The following TEX264 variants were observed in gnomAD, a reference collection of about 807,000 sequenced individuals.
The protein encoded by TEX264 is testis-expressed protein 264.
TEX264 carries 13 observed loss-of-function variants against 23.4 expected under a neutral mutation model. The ratio of observed to expected loss-of-function variants is 0.56; its 90% CI spans 0.36 to 0.88. The LOEUF is 0.88. Ranked by LOEUF, TEX264 falls within the 40% of genes least tolerant of loss-of-function variation. The probability of loss-of-function intolerance (pLI) is 0.01; values close to 1 mark genes in which losing one functional copy is unlikely to be tolerated. For missense variants in TEX264, 340 were observed against 406.8 expected, an observed-to-expected ratio of 0.84 and a Z score of 1.41; for synonymous variants, 159 against 170.0, an observed-to-expected ratio of 0.94 and a Z score of 0.50.
In TEX264 at chr3:51,686,992, C is replaced by T. The variant is rs1702644494; in HGVS notation, c.480+2358C>T. Among the ~76,000 whole-genome samples, 1 of 152,222 alleles carries T rather than the reference C, an allele frequency of 6.6e-6. No individual in the cohort carries two copies. The highest frequency in any genetic ancestry group is 2.4e-5 in the African/African-American group (1 of 41,452). Reference sequence around the variant, plus strand: ...AATTTCCCGGCCCCTGACAGCTTCACAAGTTGCCTGGTTTTGACGTCACCT... The same window carrying T: ...AATTTCCCGGCCCCTGACAGCTTCATAAGTTGCCTGGTTTTGACGTCACCT... On this transcript the variant is annotated intron_variant, in intron 3 of 4. Transcript: ENST00000341333. The surrounding 1 kb of genome is among the most constrained non-coding windows in gnomAD (Gnocchi z 4.1).
intron 2 of TEX264, among the ~76,000 whole-genome samples, chr3:51,678,191 T>G (rs1312860467): frequency 6.6e-6 from 1 of 152,156 alleles, no homozygotes; most frequent in Non-Finnish European, 1.5e-5. Context: ...TGCTGGGGGC[T>G]TGGAAAGTGA....
intron 2 of TEX264, among the ~76,000 whole-genome samples, chr3:51,677,391 A>C (rs1702267326): frequency 6.6e-6 from 1 of 152,172 alleles, no homozygotes; most frequent in Non-Finnish European, 1.5e-5. Flanking sequence ...AGCAGTGTGC[A>C]GCGTGGCATG....
At chr3:51,676,331 C>T (rs1481186682) in intron 2 of TEX264, among the ~76,000 whole-genome samples, 2 of 152,186 alleles carry the variant, frequency 1.3e-5, no homozygotes, top group Admixed American at 6.5e-5. Context: ...TGGGAAAGGG[C>T]TAAGGCAGCA....
At chr3:51,701,852 G>A (rs759033201) in intron 4 of TEX264, among the ~76,000 whole-genome samples, 39 of 152,086 alleles carry the variant, frequency 2.6e-4, no homozygotes, top group Non-Finnish European at 5.0e-4. Context: ...GGCTGGTCTG[G>A]AACTCCTGAC....
intron 2 of TEX264, chr3:51,681,215 A>T (rs1011408186): frequency 6.6e-6 from 1 of 152,224 alleles, no homozygotes; most frequent in Non-Finnish European, 1.5e-5. Context: ...CCCTTCTTCC[A>T]CTTTGACAGG....
At chr3:51,671,635 C>T (rs530378540) in intron 1 of TEX264, 2 of 154,874 alleles carry the variant, frequency 1.3e-5, no homozygotes, top group Admixed American at 6.5e-5. Flanking sequence ...ACTTTAGCGT[C>T]CTTTAAGTTA....
Position 51,674,351 on chromosome 3 carries a change from T to C in TEX264, c.47T>C (p.Leu16Ser). 6.2e-7 allele frequency: 1 copy of C among 1,614,202 alleles called. No homozygotes were observed. The highest frequency in any genetic ancestry group is 1.6e-4 in the Middle Eastern group (1 of 6,062). ...GGCCTGATTGGGGGCCTGACTCTCT[T>C]ACTGCTGCTGACGCTGCTGGCCTTT... ...LLGLIGGLTL[L>S]LLLTLLAFAG... Residue 16 changes from leucine (L) to serine (S), a missense_variant, in exon 2 of 5, where the codon TTA becomes TCA. Leu to Ser is a moderately radical substitution (Grantham distance 145). Coordinates refer to ENST00000341333, the MANE Select transcript of TEX264 (RefSeq NM_015926.6).
intron 3 of TEX264, among the ~76,000 whole-genome samples, chr3:51,696,567 C>T (rs1453233588): frequency 6.6e-6 from 1 of 152,210 alleles, no homozygotes; most frequent in African/African-American, 2.4e-5. Context: ...CCTGATCACT[C>T]AGGGACAGAG....
intron 2 of TEX264, among the ~76,000 whole-genome samples, chr3:51,675,350 TCTA>T (rs1262351695): frequency 6.6e-6 from 1 of 152,182 alleles, no homozygotes; most frequent in South Asian, 2.1e-4. Context: ...TTCTTCAGCC[TCTA>T]CTACTAAGCC....
At position 51,686,759 on chromosome 3, in the gene TEX264, G is replaced by A. The variant is rs1577510213; in HGVS notation, c.480+2125G>A. Among the ~76,000 whole-genome samples the A allele has an allele frequency of 1.3e-5, 2 of 152,072 alleles. No homozygotes were observed. The highest frequency in any genetic ancestry group is 2.9e-5 in the Non-Finnish European group (2 of 67,982). ...TAGTGTGCTGCCTCTGGGGAGTCCCGCCCCATTTCATTCAAGGAAGGCCTC... is the reference window on the plus strand; with the variant it reads ...TAGTGTGCTGCCTCTGGGGAGTCCCACCCCATTTCATTCAAGGAAGGCCTC... On this transcript the variant is annotated intron_variant, in intron 3 of 4. Coordinates refer to ENST00000341333, the MANE Select transcript of TEX264 (RefSeq NM_015926.6). The surrounding 1 kb of genome is among the most constrained non-coding windows in gnomAD (Gnocchi z 4.1).
intron 3 of TEX264, 37 bp downstream of exon 3, chr3:51,684,671 G>A (rs1472593930): frequency 6.2e-7 from 1 of 1,603,126 alleles, no homozygotes. Flanking sequence ...GTTGGGGACA[G>A]CCAGGCCCCT....
intron 3 of TEX264, among the ~76,000 whole-genome samples, chr3:51,692,456 C>T (rs566743579): frequency 6.6e-6 from 1 of 152,252 alleles, no homozygotes; most frequent in African/African-American, 2.4e-5. Flanking sequence ...GTCAGAGGTA[C>T]CAGTTGGAGA....
chr3:51,702,103 C>T (rs759177135), intron 4 of TEX264, among the ~76,000 whole-genome samples: 1 of 152,130 alleles, frequency 6.6e-6, no homozygotes, highest in Admixed American at 6.5e-5. Flanking sequence ...CATTCCTATA[C>T]CTGGGGTCCC....
At chr3:51,702,049 C>A (rs1703325769) in intron 4 of TEX264, among the ~76,000 whole-genome samples, 1 of 152,284 alleles carries the variant, frequency 6.6e-6, no homozygotes, top group East Asian at 1.9e-4. Flanking sequence ...ACATTCCTAG[C>A]CTAGGAGCTG....
In TEX264 at chr3:51,694,495, TC is replaced by T. The variant is rs1702981776; in HGVS notation, c.481-4908del. 2.0e-5 allele frequency: 3 copies of T among 152,398 alleles called. No homozygotes were observed. In the South Asian group the frequency reaches 6.2e-4, roughly 32 times the overall value. The allele number at this position is 152,398 out of a possible 1,614,324, so 9.4% of individuals were successfully genotyped here. On this transcript the variant is annotated intron_variant, in intron 3 of 4. Coordinates refer to ENST00000341333, the MANE Select transcript of TEX264 (RefSeq NM_015926.6). ...ACAGCACCCGGTATTCCAGGCAGTC[TC>T]CCATCCAAGTACTAACTAGACCCGA...
At chr3:51,680,752 G>T (rs1702400303) in intron 2 of TEX264, among the ~76,000 whole-genome samples, 1 of 152,186 alleles carries the variant, frequency 6.6e-6, no homozygotes, top group African/African-American at 2.4e-5. Context: ...GGGCTGGGAG[G>T]CCCAGGCCTA....
In TEX264 at chr3:51,672,724, G is replaced by C. The variant is rs548683815; in HGVS notation, c.-35+1436G>C. Among the ~76,000 whole-genome samples, 4 of 152,340 alleles carry C rather than the reference G, an allele frequency of 2.6e-5. No individual in the cohort carries two copies. In the East Asian group the frequency reaches 5.8e-4, roughly 22 times the overall value. ...GTCCACGTGGCTCTGTTTAATACCT[G>C]TGTTACCTTGGGCAAGTCTCTTAAC... On this transcript the variant is annotated intron_variant, in intron 1 of 4. Coordinates refer to ENST00000341333, the MANE Select transcript of TEX264 (RefSeq NM_015926.6).
chr3:51,704,263 GACTC>G lies in TEX264; in HGVS notation c.*250_*253del, dbSNP rs1369334274. 10 of 370,564 alleles carry G rather than the reference GACTC, an allele frequency of 2.7e-5. No homozygotes were observed. The highest frequency in any genetic ancestry group is 4.8e-5 in the Non-Finnish European group (10 of 208,308). 23.0% of individuals were successfully genotyped at this position (370,564 alleles called of 1,614,324 possible). On this transcript the variant is annotated 3_prime_UTR_variant, in exon 5 of 5. Coordinates refer to ENST00000341333, the MANE Select transcript of TEX264 (RefSeq NM_015926.6). ...CCACCCCTGTTGTGTCTTTTTTTCA[GACTC>G]ACAGTGGAGCTTCCAGGACCCAGAA...
intron 3 of TEX264, 58 bp downstream of exon 3, chr3:51,684,692 T>C (rs765831712): frequency 1.3e-6 from 2 of 1,547,632 alleles, no homozygotes; most frequent in Non-Finnish European, 1.8e-6. Flanking sequence ...TGGGTGGAGC[T>C]GAGGAGGACT....
Sources: gnomAD v4.1 joint callset for allele counts (sites outside exome capture counted in the v4.1 genomes callset) on GRCh38, gnomAD v4.1.1 for gene constraint, Gnocchi (gnomAD v3.1) non-coding constraint, MANE v1.5 for transcripts, NCBI Gene and HGNC (gene_info 2026-07-23, HGNC 2026-07-21) for gene names.